Variants in NAALADL2 observed in about 807,000 individuals in gnomAD.
The protein encoded by NAALADL2 is N-acetylated alpha-linked acidic dipeptidase like 2.
NAALADL2 carries 76 observed loss-of-function variants against 87.2 expected under a neutral mutation model. That is an observed-to-expected ratio of 0.87 (90% confidence interval 0.72 to 1.05). The LOEUF is 1.05. Ranked by LOEUF, NAALADL2 falls within the 50% of genes least tolerant of loss-of-function variation. NAALADL2 has a pLI of 0.00. For missense variants in NAALADL2, 1,089 were observed against 945.8 expected, an observed-to-expected ratio of 1.15 and a Z score of -1.99; for synonymous variants, 354 against 331.0, an observed-to-expected ratio of 1.07 and a Z score of -0.75.
chr3:175,070,922 C>A (rs1715511878), intron 1 of NAALADL2, among the ~76,000 whole-genome samples: 2 of 151,944 alleles, frequency 1.3e-5, no homozygotes, highest in Admixed American at 1.3e-4. Flanking sequence ...AATTTGTTGA[C>A]CTATTGCTCT....
intron 5 of NAALADL2, among the ~76,000 whole-genome samples, chr3:175,358,912 C>A (rs138562255): frequency 1.8e-3 from 277 of 152,146 alleles, no homozygotes; most frequent in Non-Finnish European, 2.9e-3. Flanking sequence ...AGAGAATTAG[C>A]CCCACAGCTG....
chr3:175,548,162 C>A (rs1022997109), intron 9 of NAALADL2, among the ~76,000 whole-genome samples: 11 of 152,042 alleles, frequency 7.2e-5, no homozygotes, highest in African/African-American at 9.7e-5. Context: ...AAATGCTCAA[C>A]AATGAGAGAC....
At chr3:174,521,937 T>A (rs1720324781) in intron 1 of NAALADL2, among the ~76,000 whole-genome samples, 1 of 151,916 alleles carries the variant, frequency 6.6e-6, no homozygotes, top group Non-Finnish European at 1.5e-5. Context: ...AATCTAAAAT[T>A]ATATTAAAAA....
Position 175,396,158 on chromosome 3 carries a change from C to A in NAALADL2, c.1091-51071C>A, listed in dbSNP as rs1051452266. Among the ~76,000 whole-genome samples, 21 of 152,140 alleles carry A rather than the reference C, an allele frequency of 1.4e-4. 3 individuals carry two copies. Among genetic ancestry groups the A allele is most frequent in the Admixed American group, 3.9e-4 (6 of 15,274 alleles). On this transcript the variant is annotated intron_variant, in intron 5 of 13. Coordinates refer to ENST00000454872, the MANE Select transcript of NAALADL2 (RefSeq NM_207015.3). The stretch of plus-strand genomic sequence containing the variant: ...GTCCATGACCGTCTTCCTAGGTAAC[C>A]ATATATAGTATGAAAGATGAATTTT...
intron 1 of NAALADL2, among the ~76,000 whole-genome samples, chr3:174,912,454 A>G (rs1040724040): frequency 6.6e-6 from 1 of 152,158 alleles, no homozygotes; most frequent in African/African-American, 2.4e-5. Flanking sequence ...GTACATGGAC[A>G]CCCTAAGGCT....
At chr3:174,801,696 C>G (rs1445619300) in intron 3 of NAALADL2, among the ~76,000 whole-genome samples, 1 of 152,020 alleles carries the variant, frequency 6.6e-6, no homozygotes, top group Non-Finnish European at 1.5e-5. Context: ...GCGTTTTTAT[C>G]ATGAAAGGAT....
chr3:174,885,876 GTTTTTTTTTTTTTTTTTTTTTTTT>G (rs60403770), intron 1 of NAALADL2, among the ~76,000 whole-genome samples: 116 of 101,620 alleles, frequency 1.1e-3, no homozygotes, highest in Non-Finnish European at 1.7e-3. Context: ...AGTCCGAGTT[GTTTTTTTTTTTTTTTTTTTTTTTT>G]TTTTTTTTTT....
intron 1 of NAALADL2, among the ~76,000 whole-genome samples, chr3:174,545,910 T>C (rs1184293749): frequency 6.6e-6 from 1 of 150,994 alleles, no homozygotes; most frequent in Non-Finnish European, 1.5e-5. Flanking sequence ...TTTTGTTTTA[T>C]TAATTATATA....
Position 175,226,986 on chromosome 3 carries a change from C to T in NAALADL2, c.546-6945C>T, listed in dbSNP as rs138191419. Among the ~76,000 whole-genome samples, 390 of 152,078 alleles carry T rather than the reference C, an allele frequency of 2.6e-3. 4 individuals carry two copies. The highest frequency in any genetic ancestry group is 0.01 in the Middle Eastern group (3 of 294). Reference sequence around the variant, plus strand: ...CATTGGATACCAATTCAAATAACAACCTAATGAAATGTTTGACTTTTTAAT... The same window carrying T: ...CATTGGATACCAATTCAAATAACAATCTAATGAAATGTTTGACTTTTTAAT... On this transcript the variant is annotated intron_variant, in intron 2 of 13. Coordinates refer to ENST00000454872, the MANE Select transcript of NAALADL2 (RefSeq NM_207015.3).
intron 1 of NAALADL2, among the ~76,000 whole-genome samples, chr3:174,974,630 T>C (rs1744120951): frequency 6.6e-6 from 1 of 152,168 alleles, no homozygotes; most frequent in Non-Finnish European, 1.5e-5. Flanking sequence ...ACATGGTGAT[T>C]GTTTGGAATT....
At chr3:174,691,334 C>A (rs1461681557) in intron 2 of NAALADL2, among the ~76,000 whole-genome samples, 1 of 151,976 alleles carries the variant, frequency 6.6e-6, no homozygotes, top group Non-Finnish European at 1.5e-5. Context: ...ATCGCTTGAA[C>A]CCGGGAGGCA....
intron 1 of NAALADL2, among the ~76,000 whole-genome samples, chr3:175,042,563 G>A (rs1222012081): frequency 2.0e-5 from 3 of 152,072 alleles, no homozygotes; most frequent in Non-Finnish European, 4.4e-5. Context: ...CAATGAATAA[G>A]GGTTCCCTTT....
intron 1 of NAALADL2, among the ~76,000 whole-genome samples, chr3:174,881,090 T>G (rs1729129569): frequency 6.6e-6 from 1 of 152,170 alleles, no homozygotes; most frequent in Non-Finnish European, 1.5e-5. Flanking sequence ...GATAATCTCA[T>G]GTCAGATCCT....
At chr3:174,911,622 A>G (rs372214997) in intron 1 of NAALADL2, among the ~76,000 whole-genome samples, 56 of 152,146 alleles carry the variant, frequency 3.7e-4, no homozygotes, top group Non-Finnish European at 6.0e-4. Flanking sequence ...GGGAAAGCCC[A>G]AAAGTCACAA....
intron 11 of NAALADL2, among the ~76,000 whole-genome samples, chr3:175,682,688 T>C (rs544278620): frequency 2.0e-4 from 30 of 152,154 alleles, no homozygotes; most frequent in African/African-American, 7.0e-4. Flanking sequence ...TTATAGTCAG[T>C]ATTTGTTATT....
chr3:174,456,982 A>G (rs968337305), intron 1 of NAALADL2, among the ~76,000 whole-genome samples: 2 of 152,128 alleles, frequency 1.3e-5, no homozygotes, highest in Admixed American at 6.6e-5. Flanking sequence ...GACTAATATC[A>G]AGCATCTACA....
intron 9 of NAALADL2, among the ~76,000 whole-genome samples, chr3:175,554,846 T>A (rs562844034): frequency 6.6e-6 from 1 of 152,322 alleles, no homozygotes; most frequent in African/African-American, 2.4e-5. Context: ...TCAGTTTATA[T>A]GTATATATTT....
intron 9 of NAALADL2, among the ~76,000 whole-genome samples, chr3:175,542,605 C>A (rs1459949376): frequency 6.6e-6 from 1 of 152,056 alleles, no homozygotes; most frequent in African/African-American, 2.4e-5. Flanking sequence ...AGTGATCCAC[C>A]CACCTCGGCC....
intron 2 of NAALADL2, among the ~76,000 whole-genome samples, chr3:174,582,542 T>G (rs549153136): frequency 6.6e-6 from 1 of 152,336 alleles, no homozygotes; most frequent in African/African-American, 2.4e-5. Flanking sequence ...AAATTCTATC[T>G]TTAATTTATA....
Sources: gnomAD v4.1 joint callset for allele counts (sites outside exome capture counted in the v4.1 genomes callset) on GRCh38, gnomAD v4.1.1 for gene constraint, MANE v1.5 for transcripts, NCBI Gene and HGNC (gene_info 2026-07-23, HGNC 2026-07-21) for gene names.